Variants in KCNU1 observed in about 807,000 individuals in gnomAD.
KCNU1 encodes potassium calcium-activated channel subfamily U member 1.
A neutral mutation model predicts 126.8 loss-of-function variants in KCNU1; 93 were observed. The observed-to-expected ratio is 0.73, with a 90% CI of 0.62 to 0.87. KCNU1 has a LOEUF of 0.87. Ranked by LOEUF, KCNU1 falls within the 40% of genes least tolerant of loss-of-function variation. The pLI, the probability that KCNU1 is intolerant of heterozygous loss-of-function variation, is 0.00. For synonymous variants in KCNU1, 523 were observed against 494.2 expected (o/e 1.06, Z -0.77); for missense variants, 1,330 against 1,367.1 (o/e 0.97, Z 0.43).
chr8:36,901,579 G>T (rs555494499), intron 19 of KCNU1, among the ~76,000 whole-genome samples: 2 of 151,906 alleles, frequency 1.3e-5, no homozygotes, highest in Non-Finnish European at 2.9e-5. Flanking sequence ...GCTTATTTGC[G>T]TGCTGCTCTA....
intron 8 of KCNU1, among the ~76,000 whole-genome samples, chr8:36,815,310 A>C (rs947079721): frequency 6.6e-6 from 1 of 152,156 alleles, no homozygotes; most frequent in Non-Finnish European, 1.5e-5. Flanking sequence ...TGTCTCAAAA[A>C]CAAAAACAAA....
intron 16 of KCNU1, among the ~76,000 whole-genome samples, chr8:36,842,319 A>T (rs1313452335): frequency 6.6e-6 from 1 of 152,254 alleles, no homozygotes; most frequent in Non-Finnish European, 1.5e-5. Flanking sequence ...TTGGGAAAGC[A>T]TCAAAGACCT....
intron 22 of KCNU1, among the ~76,000 whole-genome samples, chr8:36,918,195 A>C (rs1192771542): frequency 6.6e-6 from 1 of 152,160 alleles, no homozygotes; most frequent in Non-Finnish European, 1.5e-5. Flanking sequence ...ATCAATAAGC[A>C]ACTACTGGGA....
chr8:36,883,721 G>A (rs1468772841), intron 19 of KCNU1, among the ~76,000 whole-genome samples: 1 of 152,124 alleles, frequency 6.6e-6, no homozygotes. Flanking sequence ...AGCCCAGGAG[G>A]TCGAGGCTGC....
chr8:36,808,890 C>A, intron 7 of KCNU1, 97 bp downstream of exon 7: 2 of 795,940 alleles, frequency 2.5e-6, no homozygotes, highest in South Asian at 3.2e-5. Context: ...GTCTCCATCA[C>A]TGTAAGCCAG....
At chr8:36,806,413 T>G in intron 5 of KCNU1, 33 bp downstream of exon 5, 19 of 1,081,352 alleles carry the variant, frequency 1.8e-5, no homozygotes, top group East Asian at 5.0e-5. Context: ...TAGCAATATC[T>G]ATGAATAAAA....
rs1219622376 is a variant in KCNU1, at chr8:36,914,323, A to ATTTTC, written c.2521+3205_2521+3209dup. Among the ~76,000 whole-genome samples, 4 of 152,256 alleles carry ATTTTC rather than the reference A, an allele frequency of 2.6e-5. No homozygotes were observed. In the South Asian group the frequency reaches 8.3e-4, roughly 32 times the overall value. ...CTTATGATGGCTGGAGGCAGTTTTGATTTTCACCACTGTGGGAATGCTATC... is the reference window on the plus strand; with the variant it reads ...CTTATGATGGCTGGAGGCAGTTTTGATTTTCTTTTCACCACTGTGGGAATGCTATC... On this transcript the variant is annotated intron_variant, in intron 22 of 26. Coordinates refer to ENST00000399881, the MANE Select transcript of KCNU1 (RefSeq NM_001031836.3).
chr8:36,897,580 G>T (rs561220157), intron 19 of KCNU1, among the ~76,000 whole-genome samples: 2 of 152,118 alleles, frequency 1.3e-5, no homozygotes, highest in South Asian at 4.1e-4. Context: ...AGAGCAGGGT[G>T]AATATCCTCC....
intron 7 of KCNU1, among the ~76,000 whole-genome samples, chr8:36,810,336 T>C (rs931895310): frequency 3.9e-5 from 6 of 152,020 alleles, no homozygotes; most frequent in African/African-American, 1.4e-4. Flanking sequence ...CTGCCAGGCC[T>C]ACTTGAAATC....
intron 19 of KCNU1, among the ~76,000 whole-genome samples, chr8:36,898,887 G>A (rs1408088930): frequency 1.3e-5 from 2 of 152,010 alleles, no homozygotes; most frequent in Non-Finnish European, 2.9e-5. Context: ...CCTGAGCTGA[G>A]GGCACAGACT....
intron 18 of KCNU1, among the ~76,000 whole-genome samples, chr8:36,851,147 A>C (rs1805328536): frequency 6.6e-6 from 1 of 152,144 alleles, no homozygotes; most frequent in Admixed American, 6.5e-5. Context: ...GAGCCTTTTG[A>C]ATCTATAGAT....
chr8:36,918,139 C>T (rs1365440866), intron 22 of KCNU1, among the ~76,000 whole-genome samples: 1 of 152,202 alleles, frequency 6.6e-6, no homozygotes, highest in Non-Finnish European at 1.5e-5. Flanking sequence ...TGAATTGTTA[C>T]CTAGCACAGC....
At chr8:36,933,634 G>A (rs539794926) in intron 26 of KCNU1, among the ~76,000 whole-genome samples, 2 of 152,098 alleles carry the variant, frequency 1.3e-5, no homozygotes, top group Admixed American at 1.3e-4. Flanking sequence ...GAATGGAAAG[G>A]ATTCAGAAGG....
chr8:36,803,977 T>TA (rs1223854579), intron 2 of KCNU1, 50 bp from the exon 3 acceptor site: 8 of 1,238,102 alleles, frequency 6.5e-6, no homozygotes, highest in African/African-American at 1.5e-5. Context: ...TCGATTTATT[T>TA]AATGCAAATG....
chr8:36,808,270 T>G (rs1383719612), intron 6 of KCNU1, among the ~76,000 whole-genome samples: 2 of 152,128 alleles, frequency 1.3e-5, no homozygotes, highest in Non-Finnish European at 2.9e-5. Context: ...ACTTTATATT[T>G]TTGTGTTCTG....
rs777465750 is a variant in KCNU1, at chr8:36,877,305, G to GTT, written c.2009+12797_2009+12798dup. On this transcript the variant is annotated intron_variant, in intron 19 of 26. Coordinates refer to ENST00000399881, the MANE Select transcript of KCNU1 (RefSeq NM_001031836.3). ...TTCTTAAATCTCTAGTTTTTCCTCT[G>GTT]TTTTTTTTTTTTTTGAGATGGAGTT... Among the ~76,000 whole-genome samples the GTT allele has an allele frequency of 4.6e-3, 646 of 140,080 alleles. 3 individuals are homozygous for GTT. The highest frequency in any genetic ancestry group is 0.016 in the African/African-American group (606 of 38,302). 91.9% of individuals were successfully genotyped at this position (140,080 alleles called of 152,430 possible).
chr8:36,914,125 A>C (rs1808001600), intron 22 of KCNU1, among the ~76,000 whole-genome samples: 2 of 152,200 alleles, frequency 1.3e-5, no homozygotes, highest in African/African-American at 4.8e-5. Context: ...TAGAACCAGG[A>C]ATACACACCC....
chr8:36,923,359 C>A (rs1045868271), intron 24 of KCNU1, among the ~76,000 whole-genome samples: 5 of 151,926 alleles, frequency 3.3e-5, no homozygotes, highest in African/African-American at 9.7e-5. Flanking sequence ...AGAGGGATGC[C>A]AATTAAAGGG....
intron 12 of KCNU1, among the ~76,000 whole-genome samples, chr8:36,835,304 C>G (rs1322850612): frequency 1.3e-5 from 2 of 150,932 alleles, no homozygotes; most frequent in African/African-American, 4.9e-5. Flanking sequence ...GTATGACGTG[C>G]TTTTTGTTTG....
Sources: allele counts gnomAD v4.1 joint callset (sites outside exome capture counted in the v4.1 genomes callset), GRCh38; gene constraint gnomAD v4.1.1; transcripts MANE v1.5; gene names NCBI Gene and HGNC (gene_info 2026-07-23, HGNC 2026-07-21).